The following NR1I2 variants were observed in gnomAD, a reference collection of about 807,000 sequenced individuals.
NR1I2 encodes the protein orphan nuclear receptor PAR1.
In NR1I2, 42 loss-of-function variants were observed where a neutral mutation model predicts 43.3. The ratio of observed to expected loss-of-function variants is 0.97; its 90% CI spans 0.76 to 1.26. The LOEUF (loss-of-function observed/expected upper bound fraction) is 1.26, where lower values mean the gene tolerates loss of function less well. NR1I2 is among the 50% of genes most tolerant of loss of function. The pLI is 0.00. For synonymous variants in NR1I2, 229 were observed against 215.0 expected, an observed-to-expected ratio of 1.06 and a Z score of -0.57; for missense variants, 559 against 566.7, an observed-to-expected ratio of 0.99 and a Z score of 0.14.
chr3:119,792,891 CAAAA>C (rs769890802), intron 1 of NR1I2, among the ~76,000 whole-genome samples: 1 of 150,276 alleles, frequency 6.7e-6, no homozygotes, highest in South Asian at 2.1e-4. Flanking sequence ...AAAAAACAAA[CAAAA>C]AAAAAGAAAC....
chr3:119,782,753 G>A, intron 1 of NR1I2: 5 of 1,612,772 alleles, frequency 3.1e-6, no homozygotes, highest in Non-Finnish European at 4.2e-6. Flanking sequence ...GCCAAGGACA[G>A]CAGCATGACA....
chr3:119,811,475 T>C, intron 3 of NR1I2, 64 bp from the exon 4 acceptor site: 1 of 1,493,564 alleles, frequency 6.7e-7, no homozygotes, highest in Non-Finnish European at 9.1e-7. Flanking sequence ...ACACAGTGGC[T>C]CTCCAGGGGG....
chr3:119,812,622 T>A, intron 4 of NR1I2, 64 bp from the exon 5 acceptor site: 1 of 1,601,234 alleles, frequency 6.2e-7, no homozygotes, highest in Non-Finnish European at 8.5e-7. Context: ...GGGGCCTGAG[T>A]TGGGACCTGT....
At position 119,815,343 on chromosome 3, in the gene NR1I2, C is replaced by G; in HGVS notation, c.958C>G (p.Leu320Val). Residue 320 changes from leucine to valine, a missense_variant, in exon 7 of 9, where the codon CTG becomes GTG. This residue lies in a region of NR1I2 where 323 missense variants were observed against 312.2 expected (regional missense o/e 1.03). Coordinates refer to ENST00000393716, the MANE Select transcript of NR1I2 (RefSeq NM_003889.4). Reference sequence around the variant, plus strand: ...CACAGGTGGCTTCCAGCAACTTCTACTGGAGCCCATGCTGAAATTCCACTA... The same window carrying G: ...CACAGGTGGCTTCCAGCAACTTCTAGTGGAGCCCATGCTGAAATTCCACTA... The G allele has an allele frequency of 6.2e-7, 1 of 1,614,054 alleles. No homozygotes were observed. Among genetic ancestry groups the G allele is most frequent in the Non-Finnish European group, 8.5e-7 (1 of 1,179,992 alleles).
intron 1 of NR1I2, among the ~76,000 whole-genome samples, chr3:119,794,654 C>T (rs2107954257): frequency 6.6e-6 from 1 of 152,296 alleles, no homozygotes; most frequent in East Asian, 1.9e-4. Flanking sequence ...TAGGACTGCC[C>T]AGGCCAAGCG....
At position 119,817,262 on chromosome 3, in the gene NR1I2, T is replaced by G; in HGVS notation, c.*50T>G. The G allele has an allele frequency of 6.2e-7, 1 of 1,608,210 alleles. No individual in the cohort carries two copies. The highest frequency in any genetic ancestry group is 8.5e-7 in the Non-Finnish European group (1 of 1,179,108). On this transcript the variant is annotated 3_prime_UTR_variant, in exon 9 of 9. Transcript: ENST00000393716. ...CGAGAGGCAGCCAGACCCAGAGCCCTCTGAGCCGCCACTCCCGGGCCAAGA... is the reference window on the plus strand; with the variant it reads ...CGAGAGGCAGCCAGACCCAGAGCCCGCTGAGCCGCCACTCCCGGGCCAAGA...
intron 2 of NR1I2, 137 bp from the exon 3 acceptor site, chr3:119,809,924 C>A: frequency 1.7e-6 from 2 of 1,145,682 alleles, no homozygotes; most frequent in Non-Finnish European, 2.6e-6. Context: ...TAAAGCCTGA[C>A]CCAGCTGGGA....
rs1188813930 is a variant in NR1I2, at chr3:119,782,936, C to T, written c.-23+636C>T. 8.3e-6 allele frequency: 9 copies of T among 1,081,914 alleles called. No individual in the cohort carries two copies. In the East Asian group the frequency reaches 2.2e-4, roughly 26 times the overall value. The allele number at this position is 1,081,914 out of a possible 1,614,324, so 67.0% of individuals were successfully genotyped here. A position where few individuals can be genotyped will look rare whatever the true frequency, so the allele number is the denominator to read the frequency against. ...CTGCATGTGGTCAGTGCCACCAGGTCCTTCTTCTCTCCACTTTACAGCCCA... is the reference window on the plus strand; with the variant it reads ...CTGCATGTGGTCAGTGCCACCAGGTTCTTCTTCTCTCCACTTTACAGCCCA... On this transcript the variant is annotated intron_variant, in intron 1 of 8. Transcript: ENST00000393716.
chr3:119,788,955 G>A (rs1276388911), intron 1 of NR1I2, among the ~76,000 whole-genome samples: 1 of 152,186 alleles, frequency 6.6e-6, no homozygotes, highest in East Asian at 1.9e-4. Context: ...CAGCTCACCT[G>A]GGAGCTTGTG....
At position 119,807,274 on chromosome 3, in the gene NR1I2, C is replaced by A; in HGVS notation, c.24C>A (p.Ser8Arg). ...ACCTGGAGGTGAGACCCAAAGAAAG[C>A]TGGAACCATGCTGACTTTGTACACT... Residue 8 changes from serine (S) to arginine (R), a missense_variant, in exon 2 of 9, where the codon AGC (serine) becomes AGA (arginine). Ser to Arg is a moderately radical substitution (Grantham distance 110). This residue lies in a region of NR1I2 where 232 missense variants were observed against 236.6 expected (regional missense o/e 0.98). Coordinates refer to ENST00000393716, the MANE Select transcript of NR1I2 (RefSeq NM_003889.4). 6.2e-7 allele frequency: 1 copy of A among 1,614,222 alleles called. No individual in the cohort carries two copies. Among genetic ancestry groups the A allele is most frequent in the Non-Finnish European group, 8.5e-7 (1 of 1,180,036 alleles).
intron 1 of NR1I2, among the ~76,000 whole-genome samples, chr3:119,806,515 G>A (rs2055163609): frequency 6.6e-6 from 1 of 151,938 alleles, no homozygotes; most frequent in African/African-American, 2.4e-5. Flanking sequence ...CAGATTCCTG[G>A]GCTCAAGCGA....
intron 1 of NR1I2, among the ~76,000 whole-genome samples, chr3:119,805,739 A>AAAAG (rs1256103848): frequency 2.4e-4 from 33 of 139,746 alleles, no homozygotes; most frequent in Admixed American, 2.1e-3. Context: ...AAAAGAAAAG[A>AAAAG]AAAAAAAGGA....
chr3:119,792,428 G>A, intron 1 of NR1I2: 1 of 1,198,198 alleles, frequency 8.3e-7, no homozygotes, highest in Non-Finnish European at 1.2e-6. Flanking sequence ...GGCCACTGCA[G>A]GGGACGGCCT....
At chr3:119,810,528 C>T (rs183826676) in intron 3 of NR1I2, 11 of 327,326 alleles carry the variant, frequency 3.4e-5, no homozygotes, top group Non-Finnish European at 5.1e-5. Flanking sequence ...ACCACATTTG[C>T]GGGTAGGAGT....
rs942238206 is a variant in NR1I2, at chr3:119,815,049, A to C, written c.865A>C (p.Asn289His). 9 of 1,613,986 alleles carry C rather than the reference A, an allele frequency of 5.6e-6. No homozygotes were observed. The highest frequency in any genetic ancestry group is 7.6e-6 in the Non-Finnish European group (9 of 1,180,018). The change falls in exon 6 of 9, where the codon AAC becomes CAC. Residue 289 changes from asparagine to histidine, a missense_variant. This residue lies in a region of NR1I2 where 323 missense variants were observed against 312.2 expected (regional missense o/e 1.03). Transcript: ENST00000393716. Reference sequence around the variant, plus strand: ...TTTCGAGCTGTGTCAACTGAGATTCAACACAGTGTTCAACGCGGAGACTGG... The same window carrying C: ...TTTCGAGCTGTGTCAACTGAGATTCCACACAGTGTTCAACGCGGAGACTGG...
At chr3:119,786,848 G>A (rs4521275) in intron 1 of NR1I2, among the ~76,000 whole-genome samples, 109,562 of 151,852 alleles carry the variant, frequency 0.72, 42,136 homozygotes, top group East Asian at 1. Context: ...GCCAGGGCCA[G>A]TGAGGAGGTT....
intron 1 of NR1I2, among the ~76,000 whole-genome samples, chr3:119,791,166 C>T (rs1450624448): frequency 1.3e-5 from 2 of 152,182 alleles, no homozygotes; most frequent in Non-Finnish European, 2.9e-5. Context: ...CATCCAGACT[C>T]ACTAGAAGAG....
chr3:119,782,218 A>G lies in NR1I2; in HGVS notation c.-105A>G, dbSNP rs1490705283. On this transcript the variant is annotated 5_prime_UTR_variant, in exon 1 of 9. Transcript: ENST00000393716. The stretch of plus-strand genomic sequence containing the variant: ...AAGGCAGCGGCTCCTTGGTAAAGCT[A>G]CTCCTTGATCGATCCTTTGCACCGG... 6.4e-6 allele frequency: 1 copy of G among 155,332 alleles called. No homozygotes were observed. Among genetic ancestry groups the G allele is most frequent in the Non-Finnish European group, 1.4e-5 (1 of 69,846 alleles). The allele number at this position is 155,332 out of a possible 1,614,324, so 9.6% of individuals were successfully genotyped here. A position where few individuals can be genotyped will look rare whatever the true frequency, so the allele number is the denominator to read the frequency against.
At chr3:119,803,444 A>G (rs1200397784) in intron 1 of NR1I2, among the ~76,000 whole-genome samples, 1 of 152,084 alleles carries the variant, frequency 6.6e-6, no homozygotes. Flanking sequence ...AGAGGGAGAA[A>G]GTGCCATAGA....
Sources: allele counts gnomAD v4.1 joint callset (sites outside exome capture counted in the v4.1 genomes callset), GRCh38; gene constraint gnomAD v4.1.1; regional missense constraint gnomAD v4.1.1; transcripts MANE v1.5; gene names NCBI Gene and HGNC (gene_info 2026-07-23, HGNC 2026-07-21).